Variants in EPS15 observed in about 807,000 individuals in gnomAD.
The protein encoded by EPS15 is epidermal growth factor receptor substrate 15.
In EPS15, 72 loss-of-function variants were observed where a neutral mutation model predicts 113.8. The ratio of observed to expected loss-of-function variants is 0.63; its 90% CI spans 0.52 to 0.77. The LOEUF (loss-of-function observed/expected upper bound fraction) is 0.77. Among genes scored for constraint, EPS15 ranks in the 30% least tolerant of loss-of-function variants. The probability of loss-of-function intolerance (pLI) is 0.00; values close to 1 mark genes in which losing one functional copy is unlikely to be tolerated. For synonymous variants in EPS15, 344 were observed against 363.4 expected, an observed-to-expected ratio of 0.95 and a Z score of 0.61; for missense variants, 1,048 against 1,045.8, an observed-to-expected ratio of 1.00 and a Z score of -0.03.
intron 21 of EPS15, among the ~76,000 whole-genome samples, chr1:51,391,971 A>T (rs940537541): frequency 6.6e-5 from 10 of 152,214 alleles, no homozygotes; most frequent in African/African-American, 2.2e-4. Flanking sequence ...GGGTTCAGGA[A>T]AGAGATGTGA....
At chr1:51,397,436 G>A (rs1244480567) in intron 20 of EPS15, among the ~76,000 whole-genome samples, 1 of 152,138 alleles carries the variant, frequency 6.6e-6, no homozygotes. Context: ...AGGACAAGAG[G>A]AATGTATTCA....
rs1157352993 is a variant in EPS15 at position 51,445,028 on chromosome 1, T to C, written c.815A>G (p.Lys272Arg). The C allele has an allele frequency of 1.9e-6, 3 of 1,613,514 alleles. No homozygotes were observed. The highest frequency in any genetic ancestry group is 2.5e-6 in the Non-Finnish European group (3 of 1,179,722). The change falls in exon 11 of 25, where the codon AAG becomes AGG. Residue 272 changes from lysine to arginine, a missense_variant. Physicochemically the swap from Lys to Arg is conservative, Grantham distance 26. Transcript: ENST00000371733. ...ATCCTTTGAAAGCTTCCCACAGTCC[T>C]TTGTGTCGCATAATGACCTGCACAA... ...LAHIWSLCDT[K>R]DCGKLSKDQF...
At chr1:51,408,107 A>G (rs1239939988) in intron 15 of EPS15, 28 bp downstream of exon 15, 2 of 1,583,090 alleles carry the variant, frequency 1.3e-6, no homozygotes, top group African/African-American at 1.3e-5. Flanking sequence ...ATCCATTTGA[A>G]TATATTTCTT....
At chr1:51,420,284 T>G (rs1650630307) in intron 13 of EPS15, among the ~76,000 whole-genome samples, 1 of 152,128 alleles carries the variant, frequency 6.6e-6, no homozygotes. Flanking sequence ...CTATTTAAAC[T>G]GAAGGAAACA....
chr1:51,509,257 T>TTTTTTTTTTTTTTTTG (rs1644577141), intron 1 of EPS15, among the ~76,000 whole-genome samples: 1 of 152,140 alleles, frequency 6.6e-6, no homozygotes, highest in African/African-American at 2.4e-5. Context: ...TCATATTTTT[T>TTTTTTTTTTTTTTTTG]ATATATGCAT....
Position 51,399,096 on chromosome 1 carries a change from G to A in EPS15, c.1988C>T (p.Thr663Ile), listed in dbSNP as rs1648252544. Residue 663 changes from threonine to isoleucine, a missense_variant, in exon 20 of 25, where the codon ACT (threonine) becomes ATT (isoleucine). Transcript: ENST00000371733. ...AGTGCTTGAAGTGGCAAAAGGATCAGTAGATTGCCTGAAGAAACAGTCTGA... is the reference window on the plus strand; with the variant it reads ...AGTGCTTGAAGTGGCAAAAGGATCAATAGATTGCCTGAAGAAACAGTCTGA... ...FASDCFFRQS[T>I]DPFATSSTDP... 6.2e-7 allele frequency: 1 copy of A among 1,613,944 alleles called. No homozygotes were observed. The highest frequency in any genetic ancestry group is 8.5e-7 in the Non-Finnish European group (1 of 1,179,798).
chr1:51,382,701 G>A (rs1646970207), intron 21 of EPS15, among the ~76,000 whole-genome samples: 1 of 152,134 alleles, frequency 6.6e-6, no homozygotes, highest in East Asian at 1.9e-4. Context: ...TTACAGGCGT[G>A]AGCCACTGTG....
chr1:51,519,182 C>G lies in EPS15; in HGVS notation c.33+17G>C, dbSNP rs771966160. ...GCACCGGCCGGCCAAGCCCGGCGGA[C>G]GGGCGTGTGGCGTTACCTGTGTCAG... On this transcript the variant is annotated intron_variant, in intron 1 of 24. Coordinates refer to ENST00000371733, the MANE Select transcript of EPS15 (RefSeq NM_001981.3). The G allele has an allele frequency of 3.5e-6, 5 of 1,421,484 alleles. No individual in the cohort carries two copies. The highest frequency in any genetic ancestry group is 3.7e-6 in the Non-Finnish European group (4 of 1,076,040). 88.1% of individuals were successfully genotyped at this position (1,421,484 alleles called of 1,614,324 possible).
intron 8 of EPS15, among the ~76,000 whole-genome samples, chr1:51,454,493 T>C (rs1653827270): frequency 6.6e-6 from 1 of 152,192 alleles, no homozygotes; most frequent in South Asian, 2.1e-4. Flanking sequence ...GTACCCCCAA[T>C]ATAATGTGAT....
intron 13 of EPS15, among the ~76,000 whole-genome samples, chr1:51,421,099 C>T (rs534375870): frequency 2.6e-5 from 4 of 152,190 alleles, no homozygotes; most frequent in Non-Finnish European, 4.4e-5. Context: ...GAGGCACTGC[C>T]CAGTTTTCTC....
chr1:51,375,102 C>T (rs1023848607), intron 21 of EPS15, among the ~76,000 whole-genome samples: 2 of 137,896 alleles, frequency 1.5e-5, no homozygotes, highest in African/African-American at 5.5e-5. Context: ...CCTCGGTTCA[C>T]GCCATTCTCC....
intron 1 of EPS15, among the ~76,000 whole-genome samples, chr1:51,497,246 C>G (rs904469876): frequency 6.6e-6 from 1 of 152,208 alleles, no homozygotes; most frequent in African/African-American, 2.4e-5. Context: ...ACTGCCATCA[C>G]AACTAACTCC....
chr1:51,378,992 C>T (rs1049294106), intron 21 of EPS15, among the ~76,000 whole-genome samples: 1 of 152,258 alleles, frequency 6.6e-6, no homozygotes, highest in South Asian at 2.1e-4. Context: ...ACAAACTCCA[C>T]GTAGGATAAA....
intron 1 of EPS15, among the ~76,000 whole-genome samples, chr1:51,500,941 G>C (rs1053522491): frequency 1.4e-5 from 2 of 146,200 alleles, no homozygotes; most frequent in African/African-American, 5.1e-5. Context: ...CCAAGATCGA[G>C]CCACTGCACT....
At chr1:51,505,871 A>AATTTATTTATTT (rs376469892) in intron 1 of EPS15, among the ~76,000 whole-genome samples, 9,238 of 151,340 alleles carry the variant, frequency 0.061, 304 homozygotes, top group Non-Finnish European at 0.074. Flanking sequence ...GGCTCACTAC[A>AATTTATTTATTT]ATTTATTTAT....
chr1:51,429,122 T>G (rs1208586328), intron 12 of EPS15, among the ~76,000 whole-genome samples: 1 of 152,160 alleles, frequency 6.6e-6, no homozygotes, highest in Non-Finnish European at 1.5e-5. Context: ...CCTCCCATCT[T>G]GGCTTCCATA....
At chr1:51,487,250 G>A (rs1380909093) in intron 1 of EPS15, among the ~76,000 whole-genome samples, 4 of 152,050 alleles carry the variant, frequency 2.6e-5, no homozygotes, top group Non-Finnish European at 5.9e-5. Flanking sequence ...AGATTTGACC[G>A]AGAAACTGAT....
At chr1:51,469,214 T>G (rs557477719) in intron 4 of EPS15, among the ~76,000 whole-genome samples, 3 of 152,172 alleles carry the variant, frequency 2.0e-5, no homozygotes, top group East Asian at 1.9e-4. Flanking sequence ...AAAAAAGAAT[T>G]AGAGAAAAAT....
At chr1:51,436,987 C>T (rs1480730916) in intron 12 of EPS15, among the ~76,000 whole-genome samples, 1 of 152,106 alleles carries the variant, frequency 6.6e-6, no homozygotes, top group Middle Eastern at 3.2e-3. Context: ...ATTACAACTA[C>T]CTGTATTGCT....
Sources: allele counts gnomAD v4.1 joint callset (sites outside exome capture counted in the v4.1 genomes callset), GRCh38; gene constraint gnomAD v4.1.1; transcripts MANE v1.5; gene names NCBI Gene and HGNC (gene_info 2026-07-23, HGNC 2026-07-21).